The following SLIT2 variants were observed in gnomAD, a reference collection of about 807,000 sequenced individuals.
SLIT2 encodes the protein slit guidance ligand 2, also known as slit homolog 2 protein.
A neutral mutation model predicts 185.7 loss-of-function variants in SLIT2; 41 were observed. That is an observed-to-expected ratio of 0.22 (90% CI 0.17 to 0.29). The LOEUF (loss-of-function observed/expected upper bound fraction) is 0.29. Among genes scored for constraint, SLIT2 ranks in the 10% least tolerant of loss-of-function variants. The probability of loss-of-function intolerance (pLI) is 1.00; values close to 1 mark genes in which losing one functional copy is unlikely to be tolerated. For missense variants in SLIT2, 1,571 were observed against 1,909.0 expected, an observed-to-expected ratio of 0.82 and a Z score of 3.30; for synonymous variants, 693 against 680.2, an observed-to-expected ratio of 1.02 and a Z score of -0.29.
intron 10 of SLIT2, 134 bp downstream of exon 10, chr4:20,510,700 T>C (rs1194084798): frequency 6.8e-6 from 4 of 587,798 alleles, no homozygotes; most frequent in Non-Finnish European, 1.2e-5. Context: ...GTCTGATTAC[T>C]AGCTCTGTAA....
At chr4:20,452,095 G>A (rs1185473342) in intron 4 of SLIT2, among the ~76,000 whole-genome samples, 2 of 152,216 alleles carry the variant, frequency 1.3e-5, no homozygotes, top group Admixed American at 6.5e-5. Context: ...AGATAAAGAA[G>A]CATTTGTGCA....
chr4:20,549,766 G>A (rs943922096), intron 24 of SLIT2, among the ~76,000 whole-genome samples: 1 of 151,408 alleles, frequency 6.6e-6, no homozygotes, highest in African/African-American at 2.4e-5. Context: ...TATAAGAATG[G>A]AATAGATATA....
intron 6 of SLIT2, among the ~76,000 whole-genome samples, chr4:20,482,328 G>T (rs1716782050): frequency 6.6e-6 from 1 of 151,876 alleles, no homozygotes; most frequent in Non-Finnish European, 1.5e-5. Flanking sequence ...TTCAGATGTA[G>T]TTCTTCACTG....
chr4:20,284,616 A>G (rs1473897381), intron 4 of SLIT2, among the ~76,000 whole-genome samples: 1 of 152,226 alleles, frequency 6.6e-6, no homozygotes, highest in East Asian at 1.9e-4. Context: ...AAGAATAGCC[A>G]TCAGTACACT....
At chr4:20,388,970 G>A (rs921384595) in intron 4 of SLIT2, among the ~76,000 whole-genome samples, 1 of 140,210 alleles carries the variant, frequency 7.1e-6, no homozygotes, top group East Asian at 2.0e-4. Context: ...AAAAATATAT[G>A]TCAAAATATA....
At chr4:20,469,343 C>T (rs1714705715) in intron 5 of SLIT2, among the ~76,000 whole-genome samples, 3 of 152,208 alleles carry the variant, frequency 2.0e-5, no homozygotes, top group Admixed American at 2.0e-4. Flanking sequence ...TTTTAATCTT[C>T]TTAGTTAAGA....
rs1197918030 is a variant in SLIT2 at position 20,484,532 on chromosome 4, C to CA, written c.540-1667dup. ...GCAAAACAAGGTGGTAAAGAGGGTC[C>CA]ATGCATGATCTGGGTCTCTAGCTGA... On this transcript the variant is annotated intron_variant, in intron 6 of 36. Coordinates refer to ENST00000504154, the MANE Select transcript of SLIT2 (RefSeq NM_004787.4). This position sits in a 1 kb window ranked among gnomAD's most constrained non-coding sequence, Gnocchi z 4.3. Among the ~76,000 whole-genome samples the CA allele has an allele frequency of 6.6e-6, 1 of 152,008 alleles. No homozygotes were observed. Among genetic ancestry groups the CA allele is most frequent in the Non-Finnish European group, 1.5e-5 (1 of 67,980 alleles).
chr4:20,266,542 T>G (rs1713054658), intron 3 of SLIT2, among the ~76,000 whole-genome samples: 1 of 151,976 alleles, frequency 6.6e-6, no homozygotes. Flanking sequence ...ATCAAAATAC[T>G]AAGAGAACAA....
chr4:20,591,914 A>G (rs564842502), intron 30 of SLIT2, among the ~76,000 whole-genome samples: 3 of 152,110 alleles, frequency 2.0e-5, no homozygotes, highest in South Asian at 2.1e-4. Context: ...CTCGCCATCA[A>G]ATAAATTAGA....
intron 5 of SLIT2, among the ~76,000 whole-genome samples, chr4:20,476,419 A>G (rs762487625): frequency 7.2e-5 from 11 of 152,122 alleles, no homozygotes; most frequent in Admixed American, 2.0e-4. Flanking sequence ...GGAGTTTTCT[A>G]TCTTACAATA....
intron 5 of SLIT2, among the ~76,000 whole-genome samples, chr4:20,479,634 A>T (rs1395478244): frequency 6.6e-6 from 1 of 152,026 alleles, no homozygotes; most frequent in East Asian, 1.9e-4. Flanking sequence ...GTTCAGAAAA[A>T]AAAAAAGAGT....
chr4:20,453,882 C>G (rs773239847), intron 4 of SLIT2, among the ~76,000 whole-genome samples: 2 of 152,082 alleles, frequency 1.3e-5, no homozygotes, highest in Non-Finnish European at 2.9e-5. Flanking sequence ...GGTATAGGTA[C>G]GGAGAGGTTG....
chr4:20,441,164 CA>C (rs1463814082), intron 4 of SLIT2, among the ~76,000 whole-genome samples: 1 of 152,014 alleles, frequency 6.6e-6, no homozygotes, highest in Admixed American at 6.6e-5. Context: ...CTCGTGAAAA[CA>C]TGTGGTCAGT....
At chr4:20,587,678 C>G (rs1727174634) in intron 29 of SLIT2, among the ~76,000 whole-genome samples, 1 of 152,124 alleles carries the variant, frequency 6.6e-6, no homozygotes, top group Non-Finnish European at 1.5e-5. Context: ...CTTTCCCTAG[C>G]TCAAGACTTT....
intron 18 of SLIT2, among the ~76,000 whole-genome samples, chr4:20,537,120 C>G (rs1487382607): frequency 1.3e-5 from 2 of 152,108 alleles, no homozygotes; most frequent in African/African-American, 4.8e-5. Context: ...GAAGTACACT[C>G]TAAAATAACA....
chr4:20,536,569 A>AC (rs1342374979), intron 18 of SLIT2, among the ~76,000 whole-genome samples: 11 of 150,872 alleles, frequency 7.3e-5, no homozygotes, highest in African/African-American at 2.7e-4. Context: ...AAAAAAAAAA[A>AC]AAAAAAAAAA....
intron 6 of SLIT2, among the ~76,000 whole-genome samples, chr4:20,485,816 G>T (rs935584859): frequency 3.9e-5 from 6 of 152,164 alleles, no homozygotes; most frequent in Non-Finnish European, 7.3e-5. Context: ...TTGACTCATG[G>T]ACACTAATTA....
At chr4:20,455,847 C>T (rs747066932) in intron 4 of SLIT2, among the ~76,000 whole-genome samples, 25 of 152,006 alleles carry the variant, frequency 1.6e-4, no homozygotes, top group Admixed American at 1.4e-3. Context: ...TTCTGTCTCT[C>T]GGCCATTTTC....
chr4:20,605,453 C>A (rs1578011706), intron 33 of SLIT2, among the ~76,000 whole-genome samples: 1 of 152,238 alleles, frequency 6.6e-6, no homozygotes, highest in South Asian at 2.1e-4. Flanking sequence ...GTAATAAATG[C>A]AATTCAAATT....
Sources: allele counts gnomAD v4.1 joint callset (sites outside exome capture counted in the v4.1 genomes callset), GRCh38; gene constraint gnomAD v4.1.1; non-coding constraint Gnocchi (gnomAD v3.1); transcripts MANE v1.5; gene names NCBI Gene and HGNC (gene_info 2026-07-23, HGNC 2026-07-21).